Variants in SLC12A6 observed in about 807,000 individuals in gnomAD.
The protein encoded by SLC12A6 is K-Cl cotransporter 3.
SLC12A6 carries 66 observed loss-of-function variants against 135.3 expected under a neutral mutation model. The ratio of observed to expected loss-of-function variants is 0.49; its 90% CI spans 0.40 to 0.60. The LOEUF (loss-of-function observed/expected upper bound fraction) is 0.60, where lower values mean the gene tolerates loss of function less well. SLC12A6 is among the 20% of genes least tolerant of loss of function. The pLI, the probability that SLC12A6 is intolerant of heterozygous loss-of-function variation, is 0.00. For missense variants in SLC12A6, 1,058 were observed against 1,452.3 expected (o/e 0.73, Z 4.41); for synonymous variants, 513 against 508.8 (o/e 1.01, Z -0.11).
At chr15:34,251,210 G>A (rs1254539633) in intron 10 of SLC12A6, among the ~76,000 whole-genome samples, 153 bp from the exon 11 acceptor site, 1 of 151,904 alleles carries the variant, frequency 6.6e-6, no homozygotes, top group African/African-American at 2.4e-5. Context: ...CACACACATT[G>A]CACAATAAAA....
chr15:34,245,227 A>G, intron 15 of SLC12A6, 58 bp downstream of exon 15: 1 of 929,976 alleles, frequency 1.1e-6, no homozygotes, highest in East Asian at 2.4e-5. Flanking sequence ...TGATGGAAAT[A>G]AACATGCATT....
intron 20 of SLC12A6, 52 bp from the exon 21 acceptor site, chr15:34,238,453 C>T: frequency 7.1e-7 from 1 of 1,406,056 alleles, no homozygotes; most frequent in Non-Finnish European, 1.0e-6. Context: ...TGCCTTGCTT[C>T]CTAGCATGTC....
At position 34,230,183 on chromosome 15, in the gene SLC12A6, A is replaced by G. The variant is rs1890829714; in HGVS notation, c.*3698T>C. ...TTGCACAAGTTCCTTATTTTCCTTA[A>G]TATTTCACTTCTATTTAATACAAGC... On this transcript the variant is annotated 3_prime_UTR_variant, in exon 26 of 26. Coordinates refer to ENST00000354181, the MANE Select transcript of SLC12A6 (RefSeq NM_001365088.1). 1 of 193,014 alleles carries G rather than the reference A, an allele frequency of 5.2e-6. No homozygotes were observed. The highest frequency in any genetic ancestry group is 1.0e-5 in the Non-Finnish European group (1 of 95,408). 12.0% of individuals were successfully genotyped at this position (193,014 alleles called of 1,614,324 possible). A position where few individuals can be genotyped will look rare whatever the true frequency, so the allele number is the denominator to read the frequency against.
Position 34,258,924 on chromosome 15 carries a change from C to T in SLC12A6, c.432G>A (p.Pro144=), listed in dbSNP as rs778236319. 8.7e-6 allele frequency: 14 copies of T among 1,609,960 alleles called. No homozygotes were observed. Among genetic ancestry groups the T allele is most frequent in the East Asian group, 2.2e-5 (1 of 44,874 alleles). Residue 144 remains proline (P), a synonymous_variant, in exon 5 of 26, where the codon CCG becomes CCA. Coordinates refer to ENST00000354181, the MANE Select transcript of SLC12A6 (RefSeq NM_001365088.1). ...TGCGGTTGAGGAGGGAAGACACCTT[C>T]GGTCTGGTGTCCATTTCTTCCTATA... ...ALFEEEMDTR[P]KVSSLLNRMA...
chr15:34,242,331 G>A (rs1187113553), intron 16 of SLC12A6, 110 bp from the exon 17 acceptor site: 9 of 767,166 alleles, frequency 1.2e-5, no homozygotes, highest in Non-Finnish European at 1.9e-5. Flanking sequence ...TAAAAACTTT[G>A]AAACTATTAT....
In SLC12A6 at chr15:34,245,496, C is replaced by G. The variant is rs892796760; in HGVS notation, c.1825-93G>C. On this transcript the variant is annotated intron_variant, in intron 14 of 25. Transcript: ENST00000354181. ...CAGTTTTCAGACATCTGGAAGACAA[C>G]AGTGTTACAACTGTGATACCTTTTA... 5.5e-6 allele frequency: 5 copies of G among 906,484 alleles called. No individual in the cohort carries two copies. In the Admixed American group the frequency reaches 8.4e-5, roughly 15 times the overall value. 56.2% of individuals were successfully genotyped at this position (906,484 alleles called of 1,614,324 possible).
chr15:34,283,197 G>T (rs1462282673), intron 2 of SLC12A6, among the ~76,000 whole-genome samples: 1 of 152,050 alleles, frequency 6.6e-6, no homozygotes, highest in Non-Finnish European at 1.5e-5. Flanking sequence ...ACAAAAATCA[G>T]CCAGGCATGG....
chr15:34,241,433 T>A, intron 17 of SLC12A6, 96 bp from the exon 18 acceptor site: 1 of 705,890 alleles, frequency 1.4e-6, no homozygotes, highest in South Asian at 1.6e-5. Context: ...ATCACACATG[T>A]GCAAGGTAGA....
At chr15:34,275,613 T>C (rs1351510316) in intron 2 of SLC12A6, among the ~76,000 whole-genome samples, 2 of 152,148 alleles carry the variant, frequency 1.3e-5, no homozygotes, top group Non-Finnish European at 2.9e-5. Context: ...TACTCCTAAT[T>C]ATACTTCCAA....
chr15:34,291,027 G>GA (rs570099953), intron 2 of SLC12A6, among the ~76,000 whole-genome samples: 6 of 152,134 alleles, frequency 3.9e-5, no homozygotes, highest in Non-Finnish European at 7.4e-5. Flanking sequence ...CTGTCATTAT[G>GA]TGCTAGCTTG....
intron 8 of SLC12A6, 119 bp downstream of exon 8, chr15:34,255,143 T>A: frequency 1.2e-6 from 1 of 859,634 alleles, no homozygotes; most frequent in South Asian, 1.3e-5. Context: ...CCAACTGACG[T>A]TGGCAGTCAA....
Position 34,336,751 on chromosome 15 carries a change from G to C in SLC12A6, c.-71C>G. 1 of 1,191,628 alleles carries C rather than the reference G, an allele frequency of 8.4e-7. No individual in the cohort carries two copies. Among genetic ancestry groups the C allele is most frequent in the Non-Finnish European group, 1.3e-6 (1 of 796,554 alleles). 73.8% of individuals were successfully genotyped at this position (1,191,628 alleles called of 1,614,324 possible). A position where few individuals can be genotyped will look rare whatever the true frequency, so the allele number is the denominator to read the frequency against. On this transcript the variant is annotated splice_region_variant and 5_prime_UTR_variant, in exon 2 of 26. Coordinates refer to ENST00000354181, the MANE Select transcript of SLC12A6 (RefSeq NM_001365088.1). ...TCTTCCTCTTACGCTAGCTACTTTT[G>C]ACTGCAATACAAAAGATAACTTGAA...
chr15:34,277,805 C>T (rs1381367124), intron 2 of SLC12A6, among the ~76,000 whole-genome samples: 3 of 152,136 alleles, frequency 2.0e-5, no homozygotes, highest in Non-Finnish European at 2.9e-5. Flanking sequence ...CTCAGGTGTG[C>T]AGGAACAGAA....
intron 3 of SLC12A6, among the ~76,000 whole-genome samples, chr15:34,263,104 C>A (rs1893266213): frequency 6.6e-6 from 1 of 151,958 alleles, no homozygotes; most frequent in Non-Finnish European, 1.5e-5. Flanking sequence ...GTACATGTAC[C>A]CTCTAAATCC....
intron 13 of SLC12A6, 72 bp downstream of exon 13, chr15:34,250,226 T>A: frequency 1.1e-6 from 1 of 902,312 alleles, no homozygotes; most frequent in Non-Finnish European, 1.9e-6. Flanking sequence ...GTAACTGTCT[T>A]GGAGCTATGT....
chr15:34,324,661 A>C (rs1889347826), intron 2 of SLC12A6, among the ~76,000 whole-genome samples: 1 of 152,178 alleles, frequency 6.6e-6, no homozygotes, highest in Non-Finnish European at 1.5e-5. Context: ...GAAACAATTA[A>C]GGGAAAGTCA....
Position 34,310,363 on chromosome 15 carries a change from A to AGT in SLC12A6, c.271+26045_271+26046dup, listed in dbSNP as rs141514500. Among the ~76,000 whole-genome samples the AGT allele has an allele frequency of 4.6e-4, 29 of 63,604 alleles. 4 individuals carry two copies. The highest frequency in any genetic ancestry group is 1.7e-3 in the African/African-American group (28 of 16,652). The allele number at this position is 63,604 out of a possible 152,430, so 41.7% of individuals were successfully genotyped here. On this transcript the variant is annotated intron_variant, in intron 2 of 25. Coordinates refer to ENST00000354181, the MANE Select transcript of SLC12A6 (RefSeq NM_001365088.1). Reference sequence around the variant, plus strand: ...GGCTGGTGTTGAACTCCTGGGCTCAAGTGTGTGTGTGTGTCCCTGTGTCCA... The same window carrying AGT: ...GGCTGGTGTTGAACTCCTGGGCTCAAGTGTGTGTGTGTGTGTCCCTGTGTCCA...
At chr15:34,253,188 A>G (rs1892514581) in intron 9 of SLC12A6, among the ~76,000 whole-genome samples, 1 of 152,236 alleles carries the variant, frequency 6.6e-6, no homozygotes, top group Non-Finnish European at 1.5e-5. Flanking sequence ...ATTATTATGA[A>G]CCATGTACCT....
At chr15:34,264,090 T>G (rs1349547458) in intron 3 of SLC12A6, among the ~76,000 whole-genome samples, 1 of 151,818 alleles carries the variant, frequency 6.6e-6, no homozygotes, top group Non-Finnish European at 1.5e-5. Context: ...TAAAAGAAAA[T>G]TTCTTCCTTA....
Sources: gnomAD v4.1 joint callset for allele counts (sites outside exome capture counted in the v4.1 genomes callset) on GRCh38, gnomAD v4.1.1 for gene constraint, MANE v1.5 for transcripts, NCBI Gene and HGNC (gene_info 2026-07-23, HGNC 2026-07-21) for gene names.